SCGN: variants seen among roughly 807,000 people sequenced by gnomAD.
SCGN encodes secretagogin.
In SCGN, 30 loss-of-function variants were observed where a neutral mutation model predicts 39.7. The ratio of observed to expected loss-of-function variants is 0.76; its 90% CI spans 0.57 to 1.03. The LOEUF (loss-of-function observed/expected upper bound fraction) is 1.03. SCGN is among the 50% of genes least tolerant of loss of function. The probability of loss-of-function intolerance (pLI) is 0.00; values close to 1 mark genes in which losing one functional copy is unlikely to be tolerated. For missense variants in SCGN, 353 were observed against 349.4 expected (o/e 1.01, Z -0.08); for synonymous variants, 106 against 114.1 (o/e 0.93, Z 0.45).
At chr6:25,655,481 T>C (rs1760211190) in intron 2 of SCGN, among the ~76,000 whole-genome samples, 1 of 152,128 alleles carries the variant, frequency 6.6e-6, no homozygotes, top group Non-Finnish European at 1.5e-5. Flanking sequence ...TCAGACCTGG[T>C]CCATGGACTA....
Position 25,691,036 on chromosome 6 carries a change from T to C in SCGN, c.634-20T>C, listed in dbSNP as rs1405352486. ...GCTTAAGAAACTGATATTTGGGCAA[T>C]TGGATCTTTTCTTTTTCAGAGTAAA... On this transcript the variant is annotated intron_variant, in intron 9 of 10. Coordinates refer to ENST00000377961, the MANE Select transcript of SCGN (RefSeq NM_006998.4). The C allele has an allele frequency of 1.9e-6, 3 of 1,606,860 alleles. No homozygotes were observed. The highest frequency in any genetic ancestry group is 2.7e-5 in the African/African-American group (2 of 74,634).
At chr6:25,675,053 T>C (rs1220194861) in intron 6 of SCGN, among the ~76,000 whole-genome samples, 1 of 152,128 alleles carries the variant, frequency 6.6e-6, no homozygotes, top group Non-Finnish European at 1.5e-5. Flanking sequence ...GAAAGAGAAA[T>C]AAGTTTTCCT....
Position 25,669,535 on chromosome 6 carries a change from A to C in SCGN, c.361A>C (p.Ser121Arg). The C allele has an allele frequency of 6.2e-7, 1 of 1,613,778 alleles. No homozygotes were observed. The highest frequency in any genetic ancestry group is 8.5e-7 in the Non-Finnish European group (1 of 1,179,680). Residue 121 changes from serine (S) to arginine (R), a missense_variant, in exon 5 of 11, where the codon AGC becomes CGC. Physicochemically the swap from Ser to Arg is moderately radical, Grantham distance 110. Coordinates refer to ENST00000377961, the MANE Select transcript of SCGN (RefSeq NM_006998.4). ...GATTTGGCGCAAATATGACGCTGAC[A>C]GCAGTGGCTTTATATCAGCTGCTGA... ...MQIWRKYDAD[S>R]SGFISAAELR...
chr6:25,697,336 T>G (rs2151384176), intron 10 of SCGN, among the ~76,000 whole-genome samples: 1 of 152,278 alleles, frequency 6.6e-6, no homozygotes, highest in Non-Finnish European at 1.5e-5. Context: ...ATGTTGTAAT[T>G]TTGCATGGTT....
chr6:25,666,950 AT>A (rs1317833946), intron 4 of SCGN, among the ~76,000 whole-genome samples: 2 of 152,190 alleles, frequency 1.3e-5, no homozygotes, highest in Non-Finnish European at 2.9e-5. Context: ...CTCAGATAAC[AT>A]TTTTAATAAA....
At position 25,691,144 on chromosome 6, in the gene SCGN, A is replaced by G; in HGVS notation, c.702+20A>G. 2 of 1,573,278 alleles carry G rather than the reference A, an allele frequency of 1.3e-6. No individual in the cohort carries two copies. On this transcript the variant is annotated intron_variant, in intron 10 of 10. Transcript: ENST00000377961. Reference sequence around the variant, plus strand: ...GTCCAGGTGAGTGCACGTTCTTCTTATTATGAAGTGGGGTTGTTGTTTTGA... The same window carrying G: ...GTCCAGGTGAGTGCACGTTCTTCTTGTTATGAAGTGGGGTTGTTGTTTTGA...
chr6:25,686,796 C>T (rs747852969), intron 7 of SCGN, among the ~76,000 whole-genome samples: 27 of 151,960 alleles, frequency 1.8e-4, no homozygotes, highest in Non-Finnish European at 2.9e-4. Flanking sequence ...AAGATTTACC[C>T]GTTTGTTTCC....
Position 25,669,582 on chromosome 6 carries a change from G to A in SCGN, c.393+15G>A. ...CTGAGCTCCGCGTGAGTGTCACTGG[G>A]TGAAGGGTGGGTTTGTTTATCATTG... On this transcript the variant is annotated intron_variant, in intron 5 of 10. Coordinates refer to ENST00000377961, the MANE Select transcript of SCGN (RefSeq NM_006998.4). 6.2e-7 allele frequency: 1 copy of A among 1,608,964 alleles called. No individual in the cohort carries two copies. The highest frequency in any genetic ancestry group is 8.5e-7 in the Non-Finnish European group (1 of 1,175,414).
chr6:25,690,801 C>T (rs1302991200), intron 9 of SCGN, among the ~76,000 whole-genome samples: 1 of 152,176 alleles, frequency 6.6e-6, no homozygotes, highest in Non-Finnish European at 1.5e-5. Flanking sequence ...ATATGTCATA[C>T]GACTGCAATC....
chr6:25,662,162 A>T (rs1317226600), intron 3 of SCGN, among the ~76,000 whole-genome samples: 6 of 152,228 alleles, frequency 3.9e-5, no homozygotes, highest in African/African-American at 1.4e-4. Flanking sequence ...ATGTAACTAT[A>T]CTACATGTGT....
intron 4 of SCGN, among the ~76,000 whole-genome samples, chr6:25,666,015 A>T (rs1760418380): frequency 3.8e-5 from 1 of 26,476 alleles, no homozygotes; most frequent in African/African-American, 1.7e-4. Flanking sequence ...CATTATCCAC[A>T]GTTATTTATT....
Position 25,665,049 on chromosome 6 carries a change from G to C in SCGN, c.336+17G>C. On this transcript the variant is annotated intron_variant, in intron 4 of 10. Transcript: ENST00000377961. The stretch of plus-strand genomic sequence containing the variant: ...TTTATGCAGGTGAGTGCTTGGTTGT[G>C]TCTCTGTGAAGAAAGAGGACTGAGA... 6.3e-7 allele frequency: 1 copy of C among 1,598,522 alleles called. No homozygotes were observed. Among genetic ancestry groups the C allele is most frequent in the Non-Finnish European group, 8.6e-7 (1 of 1,166,258 alleles).
At position 25,661,662 on chromosome 6, in the gene SCGN, A is replaced by G; in HGVS notation, c.246+18A>G. On this transcript the variant is annotated intron_variant, in intron 3 of 10. Transcript: ENST00000377961. The stretch of plus-strand genomic sequence containing the variant: ...TGAAAGAGGTAACTTTACTGACAGT[A>G]TTTTTCATGGCTCTACTCTTCTTGA... The G allele has an allele frequency of 4.7e-6, 7 of 1,501,494 alleles. No homozygotes were observed. The highest frequency in any genetic ancestry group is 6.5e-6 in the Non-Finnish European group (7 of 1,077,962). The allele number at this position is 1,501,494 out of a possible 1,614,324, so 93.0% of individuals were successfully genotyped here.
In SCGN at chr6:25,701,082, C is replaced by T; in HGVS notation, c.703-125C>T. On this transcript the variant is annotated intron_variant, in intron 10 of 10. Transcript: ENST00000377961. The stretch of plus-strand genomic sequence containing the variant: ...TGGGATGAGGCGATAGACTCATTCC[C>T]TCACTCCCTGTGGCCTGTCTCCTTC... The T allele has an allele frequency of 1.9e-6, 2 of 1,032,112 alleles. 1 individual carries two copies. The allele number at this position is 1,032,112 out of a possible 1,614,324, so 63.9% of individuals were successfully genotyped here.
chr6:25,670,055 G>A lies in SCGN; in HGVS notation c.450G>A (p.Leu150=). ...HHKKAISEAK[L]EEYTGTMMKI... is the part of the protein sequence containing the mutation. Reference sequence around the variant, plus strand: ...AAAAGGCCATTTCTGAGGCTAAACTGGAAGAATACACTGGCACCATGGTAA... The same window carrying A: ...AAAAGGCCATTTCTGAGGCTAAACTAGAAGAATACACTGGCACCATGGTAA... The change falls in exon 6 of 11, where the codon CTG becomes CTA. Residue 150 remains leucine (L), a synonymous_variant. Transcript: ENST00000377961. 6.2e-7 allele frequency: 1 copy of A among 1,612,882 alleles called. No homozygotes were observed. The highest frequency in any genetic ancestry group is 1.1e-5 in the South Asian group (1 of 91,036).
chr6:25,680,334 T>C (rs1187621325), intron 6 of SCGN, among the ~76,000 whole-genome samples: 1 of 152,196 alleles, frequency 6.6e-6, no homozygotes, highest in East Asian at 1.9e-4. Flanking sequence ...CCCAGGAAAG[T>C]AGAAGAGCAG....
At chr6:25,655,438 T>C (rs1227454796) in intron 2 of SCGN, among the ~76,000 whole-genome samples, 1 of 152,222 alleles carries the variant, frequency 6.6e-6, no homozygotes, top group African/African-American at 2.4e-5. Context: ...TGTCATCTCT[T>C]GCAGCTTGGC....
chr6:25,670,167 T>G, intron 6 of SCGN, 91 bp downstream of exon 6: 1 of 908,518 alleles, frequency 1.1e-6, no homozygotes, highest in Non-Finnish European at 1.8e-6. Flanking sequence ...AGTTCGTCCT[T>G]GAGAAATTGA....
intron 7 of SCGN, among the ~76,000 whole-genome samples, chr6:25,684,312 A>G (rs1386522786): frequency 6.6e-6 from 1 of 152,176 alleles, no homozygotes; most frequent in Non-Finnish European, 1.5e-5. Flanking sequence ...TTAGTATAGT[A>G]CAGTCTTCCC....
Sources: allele counts gnomAD v4.1 joint callset (sites outside exome capture counted in the v4.1 genomes callset), GRCh38; gene constraint gnomAD v4.1.1; transcripts MANE v1.5; gene names NCBI Gene and HGNC (gene_info 2026-07-23, HGNC 2026-07-21).